C17orf75: variants seen among roughly 807,000 people sequenced by gnomAD.
C17orf75 encodes the protein chromosome 17 open reading frame 75.
C17orf75 carries 32 observed loss-of-function variants against 49.6 expected under a neutral mutation model. The observed-to-expected ratio is 0.65, with a 90% CI of 0.49 to 0.87. The LOEUF is 0.87. Among genes scored for constraint, C17orf75 ranks in the 40% least tolerant of loss-of-function variants. C17orf75 has a pLI of 0.00. For missense variants in C17orf75, 428 were observed against 473.9 expected (o/e 0.90, Z 0.90); for synonymous variants, 158 against 159.5 (o/e 0.99, Z 0.07).
At chr17:32,346,146 C>A (rs1026136403), upstream of C17orf75, among the ~76,000 whole-genome samples, 4 of 152,102 alleles carry the variant, frequency 2.6e-5, no homozygotes, top group Admixed American at 1.3e-4. Flanking sequence ...AGAGGCACAG[C>A]ATGGTGGCTC....
chr17:32,348,359 C>T lies in C17orf75; in HGVS notation c.-7+1583G>A, dbSNP rs1361138373. On this transcript the variant is annotated intron_variant, in intron 1 of 8. Transcript: ENST00000583774. The stretch of plus-strand genomic sequence containing the variant: ...TTTAAAATTCAAATTTAATTCAGCT[C>T]CACACATACTTTGTGTTTTGGGGCA... Among the ~76,000 whole-genome samples, 4 of 152,050 alleles carry T rather than the reference C, an allele frequency of 2.6e-5. No individual in the cohort carries two copies. In the South Asian group the frequency reaches 8.3e-4, roughly 32 times the overall value.
rs951889167 is a variant in C17orf75, at chr17:32,330,662, A to G, written c.*1101T>C. 1.3e-5 allele frequency: 2 copies of G among 152,226 alleles called. No individual in the cohort carries two copies. Among genetic ancestry groups the G allele is most frequent in the South Asian group, 2.1e-4 (1 of 4,826 alleles). The allele number at this position is 152,226 out of a possible 1,614,324, so 9.4% of individuals were successfully genotyped here. On this transcript the variant is annotated 3_prime_UTR_variant, in exon 10 of 10. Transcript: ENST00000577809. ...AAATCAATGAGTAACTCTAATAGGA[A>G]GAAACTGTTTGCATTCCTTATGTTA...
chr17:32,345,553 C>T (rs1045580744), upstream of C17orf75, among the ~76,000 whole-genome samples: 4 of 151,236 alleles, frequency 2.6e-5, no homozygotes, highest in South Asian at 4.2e-4. Flanking sequence ...TTCCCCTGGC[C>T]GGGCGCGGTG....
chr17:32,338,947 C>T (rs919206919), intron 3 of C17orf75, among the ~76,000 whole-genome samples: 19 of 151,938 alleles, frequency 1.3e-4, no homozygotes, highest in African/African-American at 2.2e-4. Flanking sequence ...AAAAATTAGC[C>T]GGGTATGGTG....
At chr17:32,341,373 G>T in intron 1 of C17orf75, 89 bp from the exon 2 acceptor site, 1 of 1,335,702 alleles carries the variant, frequency 7.5e-7, no homozygotes, top group Non-Finnish European at 1.1e-6. Context: ...AAGGCAAGGA[G>T]TCAACTAAAA....
chr17:32,345,598 G>T (rs1389696535), upstream of C17orf75, among the ~76,000 whole-genome samples: 1 of 151,830 alleles, frequency 6.6e-6, no homozygotes, highest in Non-Finnish European at 1.5e-5. Context: ...TTGGAAGGCT[G>T]AGGCAGGCAG....
At position 32,335,376 on chromosome 17, in the gene C17orf75, T is replaced by C. The variant is rs1420388449; in HGVS notation, c.616A>G (p.Ile206Val). The change falls in exon 6 of 10, where the codon ATC (isoleucine) becomes GTC (valine). Residue 206 changes from isoleucine to valine, a missense_variant. Physicochemically the swap from Ile to Val is conservative, Grantham distance 29. Transcript: ENST00000577809. ...SSWFEDVVCP[I>V]QRVVLLFQEK... Reference sequence around the variant, plus strand: ...TGAAAGAGAAGAACAACCCTTTGGATTGGGCATACAACATCCTCAAACCAG... The same window carrying C: ...TGAAAGAGAAGAACAACCCTTTGGACTGGGCATACAACATCCTCAAACCAG... The C allele has an allele frequency of 1.2e-6, 2 of 1,613,954 alleles. No individual in the cohort carries two copies. Among genetic ancestry groups the C allele is most frequent in the Admixed American group, 3.3e-5 (2 of 60,010 alleles).
chr17:32,333,726 CCCAAAGT>C (rs2041299089), intron 8 of C17orf75, among the ~76,000 whole-genome samples: 1 of 152,148 alleles, frequency 6.6e-6, no homozygotes, highest in South Asian at 2.1e-4. Context: ...GCCTCAGCCT[CCCAAAGT>C]GCTGGGATTA....
intron 1 of C17orf75, chr17:32,341,756 T>C (rs2041381580): frequency 1.0e-6 from 1 of 989,586 alleles, no homozygotes; most frequent in Non-Finnish European, 1.2e-6. Flanking sequence ...GCTGGGATGA[T>C]ATAGGGGCAG....
At chr17:32,343,022 A>G (rs973867299), upstream of C17orf75, among the ~76,000 whole-genome samples, 3 of 152,214 alleles carry the variant, frequency 2.0e-5, no homozygotes, top group East Asian at 3.8e-4. Context: ...TACAATGGCA[A>G]TTACATTTCA....
intron 3 of C17orf75, 60 bp from the exon 4 acceptor site, chr17:32,338,411 G>A: frequency 6.6e-7 from 1 of 1,507,014 alleles, no homozygotes; most frequent in Non-Finnish European, 9.0e-7. Context: ...CTATAATTTT[G>A]TGGACTGCTC....
chr17:32,341,053 G>A, intron 2 of C17orf75, 151 bp downstream of exon 2: 2 of 774,732 alleles, frequency 2.6e-6, no homozygotes, highest in Non-Finnish European at 4.3e-6. Context: ...AGCCAATGAG[G>A]AAATCAGGAT....
rs2041259357 is a variant in C17orf75, at chr17:32,329,742, CTT to C, written c.*2019_*2020del. 6.6e-6 allele frequency: 1 copy of C among 152,098 alleles called. No homozygotes were observed. Among genetic ancestry groups the C allele is most frequent in the Non-Finnish European group, 1.5e-5 (1 of 68,020 alleles). 9.4% of individuals were successfully genotyped at this position (152,098 alleles called of 1,614,324 possible). On this transcript the variant is annotated 3_prime_UTR_variant, in exon 10 of 10. Transcript: ENST00000577809. ...TTAAAACGTTGATGTGCTAATGTAG[CTT>C]ACTTTAAAAAATGATTTCCAAGTGG...
chr17:32,341,907 G>A, intron 1 of C17orf75, 93 bp downstream of exon 1: 2 of 1,117,972 alleles, frequency 1.8e-6, no homozygotes, highest in Non-Finnish European at 2.2e-6. Context: ...CGGCCGGGCC[G>A]CTGGGCCGGG....
Position 32,342,067 on chromosome 17 carries a change from C to T in C17orf75, c.73G>A (p.Ala25Thr), listed in dbSNP as rs1182608501. 3.2e-6 allele frequency: 5 copies of T among 1,574,772 alleles called. No homozygotes were observed. Among genetic ancestry groups the T allele is most frequent in the Non-Finnish European group, 4.3e-6 (5 of 1,162,490 alleles). The change falls in exon 1 of 10, where the codon GCC becomes ACC. Residue 25 changes from alanine to threonine, a missense_variant. Ala to Thr is a moderately conservative substitution (Grantham distance 58). Transcript: ENST00000577809. ...ELESSEEGGSAEERRLEPPSS... is the reference protein window; with the variant it reads ...ELESSEEGGSTEERRLEPPSS... The stretch of plus-strand genomic sequence containing the variant: ...GGCGGCTCGAGTCTCCGCTCCTCGG[C>T]TGAGCCTCCCTCTTCGCTGCTCTCT...
At chr17:32,339,408 TAAA>T (rs574223196) in intron 3 of C17orf75, among the ~76,000 whole-genome samples, 5 of 114,850 alleles carry the variant, frequency 4.4e-5, no homozygotes, top group Non-Finnish European at 5.6e-5. Context: ...ACCCCATTTC[TAAA>T]AAAAAAAAAA....
upstream of C17orf75, chr17:32,344,117 GTCT>G: frequency 1.8e-6 from 1 of 551,714 alleles, no homozygotes; most frequent in African/African-American, 1.9e-5. Context: ...CCGCAAAATG[GTCT>G]TCATTTGCCC....
chr17:32,340,977 C>A (rs1443791442), intron 2 of C17orf75: 1 of 553,372 alleles, frequency 1.8e-6, no homozygotes, highest in Non-Finnish European at 3.2e-6. Flanking sequence ...AAAAGGATTT[C>A]TTTTTGGCTA....
upstream of C17orf75, among the ~76,000 whole-genome samples, chr17:32,345,760 C>T (rs2041420956): frequency 6.6e-6 from 1 of 152,034 alleles, no homozygotes; most frequent in Non-Finnish European, 1.5e-5. Flanking sequence ...GTTCGTCAGG[C>T]TGGTCTTGAA....
Sources: allele counts gnomAD v4.1 joint callset (sites outside exome capture counted in the v4.1 genomes callset), GRCh38; gene constraint gnomAD v4.1.1; transcripts MANE v1.5; gene names NCBI Gene and HGNC (gene_info 2026-07-23, HGNC 2026-07-21).